CHD6: variants seen among roughly 807,000 people sequenced by gnomAD.
CHD6 encodes the protein ATP-dependent chromatin remodeler CHD6.
A neutral mutation model predicts 276.9 loss-of-function variants in CHD6; 50 were observed. That is an observed-to-expected ratio of 0.18 (90% CI 0.14 to 0.23). The LOEUF (loss-of-function observed/expected upper bound fraction) is 0.23, where lower values mean the gene tolerates loss of function less well. CHD6 is among the 10% of genes least tolerant of loss of function. The probability of loss-of-function intolerance (pLI) is 1.00; values close to 1 mark genes in which losing one functional copy is unlikely to be tolerated. For missense variants in CHD6, 2,564 were observed against 3,365.8 expected (o/e 0.76, Z 5.89); for synonymous variants, 1,173 against 1,229.3 (o/e 0.95, Z 0.96).
intron 1 of CHD6, among the ~76,000 whole-genome samples, chr20:41,567,415 T>C (rs6093496): frequency 0.36 from 54,815 of 151,858 alleles, 12,890 homozygotes; most frequent in African/African-American, 0.65. Flanking sequence ...TGTTAAGTTT[T>C]TGGAAAGGGA....
At chr20:41,491,877 T>A in intron 10 of CHD6, 58 bp from the exon 11 acceptor site, 1 of 1,588,818 alleles carries the variant, frequency 6.3e-7, no homozygotes, top group East Asian at 2.2e-5. Context: ...GAGCATAACA[T>A]GGATACTAAC....
At chr20:41,437,463 G>C (rs754619298) in intron 26 of CHD6, 129 bp from the exon 27 acceptor site, 1 of 599,544 alleles carries the variant, frequency 1.7e-6, no homozygotes, top group African/African-American at 1.9e-5. Flanking sequence ...GAGAGAGAGA[G>C]ATCACATTCA....
At chr20:41,494,569 A>G (rs896938522) in intron 8 of CHD6, among the ~76,000 whole-genome samples, 2 of 152,206 alleles carry the variant, frequency 1.3e-5, no homozygotes, top group Admixed American at 6.5e-5. Flanking sequence ...AGTAGGTACT[A>G]TAATTACCTT....
At chr20:41,572,523 T>C (rs945505810) in intron 1 of CHD6, among the ~76,000 whole-genome samples, 1 of 152,132 alleles carries the variant, frequency 6.6e-6, no homozygotes, top group African/African-American at 2.4e-5. Flanking sequence ...AAGGATGCCA[T>C]GTACCACTTC....
intron 1 of CHD6, among the ~76,000 whole-genome samples, chr20:41,586,858 C>T (rs1036302665): frequency 3.9e-5 from 6 of 152,172 alleles, no homozygotes; most frequent in Admixed American, 1.3e-4. Flanking sequence ...TGACAAAAAA[C>T]GTATAGTTAA....
chr20:41,457,510 G>A, intron 17 of CHD6, 82 bp from the exon 18 acceptor site: 1 of 1,471,714 alleles, frequency 6.8e-7, no homozygotes, highest in Non-Finnish European at 9.2e-7. Context: ...GTGCTTAAAT[G>A]TCATGTGGTG....
intron 2 of CHD6, 21 bp from the exon 3 acceptor site, chr20:41,533,591 A>G (rs755254920): frequency 8.3e-5 from 131 of 1,575,542 alleles, no homozygotes; most frequent in Non-Finnish European, 1.1e-4. Flanking sequence ...AAGAGAAACA[A>G]GCATATTACC....
chr20:41,403,390 TTC>T lies in CHD6; in HGVS notation c.*1201_*1202del, dbSNP rs1457140575. 3.1e-5 allele frequency: 33 copies of T among 1,061,946 alleles called. No individual in the cohort carries two copies. The highest frequency in any genetic ancestry group is 5.4e-5 in the Admixed American group (1 of 18,606). 65.8% of individuals were successfully genotyped at this position (1,061,946 alleles called of 1,614,324 possible). A position where few individuals can be genotyped will look rare whatever the true frequency, so the allele number is the denominator to read the frequency against. On this transcript the variant is annotated 3_prime_UTR_variant, in exon 37 of 37. Transcript: ENST00000373233. ...CATGGGGAAGTGCTGCTTAGGCAGT[TTC>T]TTTCTCAGTTCCTAAACATGGAGAA...
At chr20:41,548,223 G>A (rs2045080669) in intron 2 of CHD6, among the ~76,000 whole-genome samples, 1 of 152,162 alleles carries the variant, frequency 6.6e-6, no homozygotes, top group African/African-American at 2.4e-5. Flanking sequence ...AAGTCTTTCT[G>A]AAAGTTGCTC....
At chr20:41,501,013 A>G (rs2043817785) in intron 5 of CHD6, among the ~76,000 whole-genome samples, 1 of 152,188 alleles carries the variant, frequency 6.6e-6, no homozygotes, top group Non-Finnish European at 1.5e-5. Flanking sequence ...ATTAATGAGC[A>G]GCAAGGACCA....
Position 41,607,309 on chromosome 20 carries a change from T to G in CHD6, c.-24+11031A>C, listed in dbSNP as rs138706310. Reference sequence around the variant, plus strand: ...CTGGCTTAACGGTTGATCCTTCTTCTTGAGTCTTAACAAAATTTGGACATA... The same window carrying G: ...CTGGCTTAACGGTTGATCCTTCTTCGTGAGTCTTAACAAAATTTGGACATA... On this transcript the variant is annotated intron_variant, in intron 1 of 36. Transcript: ENST00000373233. Among the ~76,000 whole-genome samples the G allele has an allele frequency of 8.3e-4, 126 of 152,340 alleles. 1 individual carries two copies. Among genetic ancestry groups the G allele is most frequent in the African/African-American group, 2.9e-3 (121 of 41,578 alleles).
intron 1 of CHD6, among the ~76,000 whole-genome samples, chr20:41,574,063 C>T (rs747574796): frequency 1.4e-4 from 21 of 148,946 alleles, no homozygotes; most frequent in African/African-American, 2.5e-4. Flanking sequence ...AAATGCAGGT[C>T]GGCAATGCCC....
At chr20:41,469,716 C>A (rs140762753) in intron 17 of CHD6, among the ~76,000 whole-genome samples, 2 of 152,212 alleles carry the variant, frequency 1.3e-5, no homozygotes, top group Admixed American at 6.5e-5. Context: ...CACATTGATG[C>A]GAATACAGAC....
intron 1 of CHD6, among the ~76,000 whole-genome samples, chr20:41,562,599 T>TA (rs1186528081): frequency 6.6e-6 from 1 of 152,156 alleles, no homozygotes; most frequent in East Asian, 1.9e-4. Flanking sequence ...TTATCTTTTG[T>TA]GTATAAGTCA....
chr20:41,484,449 G>C lies in CHD6; in HGVS notation c.2160C>G (p.Ser720=), dbSNP rs989603311. 3 of 1,613,782 alleles carry C rather than the reference G, an allele frequency of 1.9e-6. No homozygotes were observed. In the African/African-American group the frequency reaches 4.0e-5, roughly 22 times the overall value. ...YYRAILEKNF[S]FLTKGANQHN... ...GCTGATTTGCCCCCTTGGTCAGGAA[G>C]GAAAAGTTCTTCTCGAGGATGGCAC... Residue 720 remains serine, a synonymous_variant, in exon 15 of 37, where the codon TCC becomes TCG. Transcript: ENST00000373233.
intron 2 of CHD6, among the ~76,000 whole-genome samples, chr20:41,548,478 T>TA (rs1326064268): frequency 2.0e-5 from 3 of 152,228 alleles, no homozygotes; most frequent in African/African-American, 7.2e-5. Context: ...CCTTACACCT[T>TA]ATACAAAAAT....
intron 1 of CHD6, among the ~76,000 whole-genome samples, chr20:41,557,805 T>A (rs1025785539): frequency 6.6e-6 from 1 of 152,150 alleles, no homozygotes; most frequent in Non-Finnish European, 1.5e-5. Flanking sequence ...TCAGGCACTT[T>A]GAGACAGAGT....
At chr20:41,475,824 A>C (rs2043156611) in intron 16 of CHD6, among the ~76,000 whole-genome samples, 1 of 152,164 alleles carries the variant, frequency 6.6e-6, no homozygotes, top group African/African-American at 2.4e-5. Flanking sequence ...AGGGGAAATC[A>C]ATACATAGTG....
intron 16 of CHD6, chr20:41,482,597 T>G (rs766490095): frequency 2.4e-5 from 12 of 490,726 alleles, no homozygotes; most frequent in Middle Eastern, 3.4e-4. Flanking sequence ...TGAAAGTCTT[T>G]TATCATTAAG....
Sources: allele counts gnomAD v4.1 joint callset (sites outside exome capture counted in the v4.1 genomes callset), GRCh38; gene constraint gnomAD v4.1.1; transcripts MANE v1.5; gene names NCBI Gene and HGNC (gene_info 2026-07-23, HGNC 2026-07-21).